Variants in ZFAND3 observed in about 807,000 individuals in gnomAD.
ZFAND3 encodes the protein zinc finger AN1-type containing 3, also known as AN1-type zinc finger protein 3.
ZFAND3 carries 10 observed loss-of-function variants against 29.6 expected under a neutral mutation model. That is an observed-to-expected ratio of 0.34 (90% CI 0.21 to 0.57). The LOEUF (loss-of-function observed/expected upper bound fraction) is 0.57, where lower values mean the gene tolerates loss of function less well. ZFAND3 is among the 20% of genes least tolerant of loss of function. The pLI is 0.86. For missense variants in ZFAND3, 230 were observed against 304.5 expected (o/e 0.76, Z 1.82); for synonymous variants, 128 against 112.6 (o/e 1.14, Z -0.87).
chr6:37,932,548 C>T (rs1018256329), intron 2 of ZFAND3, among the ~76,000 whole-genome samples: 2 of 152,128 alleles, frequency 1.3e-5, no homozygotes, highest in African/African-American at 2.4e-5. Context: ...ATATATTTGT[C>T]CCCACATGGA....
chr6:37,855,685 C>T (rs1764369233), intron 1 of ZFAND3, among the ~76,000 whole-genome samples: 1 of 151,880 alleles, frequency 6.6e-6, no homozygotes, highest in Admixed American at 6.6e-5. Context: ...TTTTGGGGGG[C>T]AGGTGGTGGG....
At chr6:37,876,324 A>G (rs1281167396) in intron 1 of ZFAND3, among the ~76,000 whole-genome samples, 2 of 152,164 alleles carry the variant, frequency 1.3e-5, no homozygotes, top group African/African-American at 4.8e-5. Context: ...CAACTTAATT[A>G]TTTCCTGTTA....
At chr6:38,145,161 C>T (rs963562407) in intron 5 of ZFAND3, among the ~76,000 whole-genome samples, 3 of 152,196 alleles carry the variant, frequency 2.0e-5, no homozygotes, top group African/African-American at 7.2e-5. Context: ...CCTCTCCAGA[C>T]CCCTTACAGT....
intron 1 of ZFAND3, among the ~76,000 whole-genome samples, chr6:37,911,296 T>C (rs762420791): frequency 1.3e-5 from 2 of 152,218 alleles, no homozygotes; most frequent in Non-Finnish European, 2.9e-5. Context: ...TGATTATTAA[T>C]GTTGAATACT....
At chr6:37,820,514 A>T (rs1165933597) in intron 1 of ZFAND3, among the ~76,000 whole-genome samples, 1 of 152,174 alleles carries the variant, frequency 6.6e-6, no homozygotes, top group African/African-American at 2.4e-5. Context: ...CCAGTGCCCC[A>T]TTTGCTTTTA....
chr6:37,946,889 G>C (rs1761913297), intron 2 of ZFAND3, among the ~76,000 whole-genome samples: 1 of 152,176 alleles, frequency 6.6e-6, no homozygotes, highest in South Asian at 2.1e-4. Flanking sequence ...GGGGGAACTG[G>C]AGAGTTGTTT....
chr6:37,872,177 CTTACGTAGGCCTTCCCTCAG>C (rs1764706317), intron 1 of ZFAND3, among the ~76,000 whole-genome samples: 1 of 152,224 alleles, frequency 6.6e-6, no homozygotes, highest in African/African-American at 2.4e-5. Context: ...CCTAACGTGG[CTTACGTAGGCCTTCCCTCAG>C]GCAAAAAGCC....
intron 1 of ZFAND3, among the ~76,000 whole-genome samples, chr6:37,867,134 CCTAT>C (rs1764604170): frequency 6.6e-6 from 1 of 152,166 alleles, no homozygotes; most frequent in African/African-American, 2.4e-5. Context: ...AAAAATCCTT[CCTAT>C]CTTTTTTTGT....
At chr6:37,922,999 C>G (rs1223005139) in intron 1 of ZFAND3, among the ~76,000 whole-genome samples, 1 of 152,100 alleles carries the variant, frequency 6.6e-6, no homozygotes, top group Non-Finnish European at 1.5e-5. Context: ...AGCTTTTTTA[C>G]CTTATAAACT....
intron 4 of ZFAND3, among the ~76,000 whole-genome samples, chr6:38,101,963 A>G (rs1235250572): frequency 6.6e-6 from 1 of 152,072 alleles, no homozygotes; most frequent in African/African-American, 2.4e-5. Context: ...GCAAAATATA[A>G]ACGTTCAAAC....
rs145795941 is a variant in ZFAND3, at chr6:37,966,740, AC to A, written c.112+36743del. ...TTGTAACTAAAACAAAATGTCCAAA[AC>A]CAGGAAATTTGTATTAATAGATTGT... On this transcript the variant is annotated intron_variant, in intron 2 of 5. Coordinates refer to ENST00000287218, the MANE Select transcript of ZFAND3 (RefSeq NM_021943.3). Among the ~76,000 whole-genome samples the A allele has an allele frequency of 5.7e-3, 871 of 152,262 alleles. 8 individuals are homozygous for A. The highest frequency in any genetic ancestry group is 0.02 in the African/African-American group (835 of 41,542).
intron 3 of ZFAND3, among the ~76,000 whole-genome samples, chr6:38,063,199 C>G (rs533274926): frequency 6.6e-6 from 1 of 152,094 alleles, no homozygotes. Flanking sequence ...TAGCAGAAAA[C>G]AAATATTTAT....
chr6:38,015,271 C>T (rs1272005598), intron 2 of ZFAND3, among the ~76,000 whole-genome samples: 2 of 152,060 alleles, frequency 1.3e-5, no homozygotes, highest in East Asian at 3.8e-4. Context: ...CAAATTAAAA[C>T]AAAAATGAGG....
intron 1 of ZFAND3, among the ~76,000 whole-genome samples, chr6:37,899,370 A>G (rs531515243): frequency 2.0e-5 from 3 of 152,294 alleles, no homozygotes; most frequent in Non-Finnish European, 2.9e-5. Context: ...GCATCGGGGA[A>G]AAGCGTGCAA....
At chr6:38,072,518 A>C (rs1460293598) in intron 3 of ZFAND3, among the ~76,000 whole-genome samples, 1 of 152,228 alleles carries the variant, frequency 6.6e-6, no homozygotes, top group African/African-American at 2.4e-5. Flanking sequence ...TCATGTAAAC[A>C]ACCACACTTC....
chr6:38,015,983 T>C (rs2127445744), intron 2 of ZFAND3, among the ~76,000 whole-genome samples: 1 of 152,324 alleles, frequency 6.6e-6, no homozygotes, highest in African/African-American at 2.4e-5. Flanking sequence ...ATTTATAAAA[T>C]ACATGATTAG....
chr6:38,051,017 T>C (rs979667950), intron 2 of ZFAND3, among the ~76,000 whole-genome samples: 2 of 151,908 alleles, frequency 1.3e-5, no homozygotes, highest in Non-Finnish European at 2.9e-5. Flanking sequence ...TCAGGGAGTA[T>C]TGAGGGAGTA....
chr6:37,940,003 G>A (rs1163165027), intron 2 of ZFAND3, among the ~76,000 whole-genome samples: 1 of 152,136 alleles, frequency 6.6e-6, no homozygotes, highest in Non-Finnish European at 1.5e-5. Flanking sequence ...TTGTGCCACT[G>A]CACTCCAGCC....
chr6:37,980,994 A>T (rs1441565565), intron 2 of ZFAND3, among the ~76,000 whole-genome samples: 1 of 152,214 alleles, frequency 6.6e-6, no homozygotes, highest in East Asian at 1.9e-4. Flanking sequence ...GTTCTTGTGC[A>T]CAAAAAAGCA....
Sources: gnomAD v4.1 joint callset for allele counts (sites outside exome capture counted in the v4.1 genomes callset) on GRCh38, gnomAD v4.1.1 for gene constraint, MANE v1.5 for transcripts, NCBI Gene and HGNC (gene_info 2026-07-23, HGNC 2026-07-21) for gene names.